CYBRD1: variants seen among roughly 807,000 people sequenced by gnomAD.
CYBRD1 encodes cytochrome b reductase 1, also known as plasma membrane ascorbate-dependent reductase CYBRD1.
CYBRD1 carries 14 observed loss-of-function variants against 21.9 expected under a neutral mutation model. That is an observed-to-expected ratio of 0.64 (90% CI 0.42 to 1.00). The LOEUF is 1.00. CYBRD1 is among the 50% of genes least tolerant of loss of function. The pLI, the probability that CYBRD1 is intolerant of heterozygous loss-of-function variation, is 0.00. For missense variants in CYBRD1, 328 were observed against 352.5 expected (o/e 0.93, Z 0.56); for synonymous variants, 146 against 136.5 (o/e 1.07, Z -0.48).
chr2:171,535,675 G>A (rs1697533340), intron 1 of CYBRD1, among the ~76,000 whole-genome samples: 1 of 104,602 alleles, frequency 9.6e-6, no homozygotes, highest in African/African-American at 3.5e-5. Flanking sequence ...GTCTTGCTCT[G>A]TTGTCCAGGC....
At chr2:171,553,833 G>C (rs1375759148) in intron 3 of CYBRD1, among the ~76,000 whole-genome samples, 1 of 152,146 alleles carries the variant, frequency 6.6e-6, no homozygotes, top group Non-Finnish European at 1.5e-5. Context: ...AGTGATAACT[G>C]TTACTGGTGG....
chr2:171,523,259 G>C, intron 1 of CYBRD1: 1 of 433,280 alleles, frequency 2.3e-6, no homozygotes, highest in South Asian at 1.7e-5. Flanking sequence ...AGGCAGCGGG[G>C]AAAAGATTGC....
rs185331110 is a variant in CYBRD1 at position 171,557,984 on chromosome 2, T to A, written c.*3157T>A. ...AATTCCTACAAGGTACTCGAAAACC[T>A]TAAGTGAAAAAGATTTCTATCTTTT... On this transcript the variant is annotated 3_prime_UTR_variant, in exon 4 of 4. Transcript: ENST00000321348. 1 of 152,308 alleles carries A rather than the reference T, an allele frequency of 6.6e-6. No homozygotes were observed. Among genetic ancestry groups the A allele is most frequent in the Admixed American group, 6.5e-5 (1 of 15,284 alleles). The allele number at this position is 152,308 out of a possible 1,614,324, so 9.4% of individuals were successfully genotyped here.
chr2:171,534,043 G>A (rs1340174267), intron 1 of CYBRD1, among the ~76,000 whole-genome samples: 2 of 152,074 alleles, frequency 1.3e-5, no homozygotes, highest in Admixed American at 6.6e-5. Context: ...TCAAGTTACT[G>A]TATTTTTCTC....
intron 1 of CYBRD1, chr2:171,540,691 C>T (rs1017506985): frequency 5.3e-5 from 8 of 150,566 alleles, no homozygotes; most frequent in African/African-American, 2.0e-4. Flanking sequence ...TATTCTCATT[C>T]GGCTTAAATT....
Position 171,554,576 on chromosome 2 carries a change from C to T in CYBRD1, c.610C>T (p.Leu204Phe), listed in dbSNP as rs1267169050. 1 of 1,614,028 alleles carries T rather than the reference C, an allele frequency of 6.2e-7. No individual in the cohort carries two copies. Among genetic ancestry groups the T allele is most frequent in the South Asian group, 1.1e-5 (1 of 91,078 alleles). Residue 204 changes from leucine to phenylalanine, a missense_variant, in exon 4 of 4, where the codon CTT becomes TTT. Coordinates refer to ENST00000321348, the MANE Select transcript of CYBRD1 (RefSeq NM_024843.4). ...GCCAGAAGGTGTTTTCGTAAATACG[C>T]TTGGCCTTCTGATCCTGGTGTTCGG... ...FPPEGVFVNT[L>F]GLLILVFGAL...
intron 1 of CYBRD1, among the ~76,000 whole-genome samples, chr2:171,527,756 C>T (rs1697406180): frequency 6.6e-6 from 1 of 152,158 alleles, no homozygotes; most frequent in African/African-American, 2.4e-5. Flanking sequence ...TAATTTCTAT[C>T]ATCTTCGAAA....
chr2:171,528,614 C>G (rs1697418504), intron 1 of CYBRD1, among the ~76,000 whole-genome samples: 1 of 152,192 alleles, frequency 6.6e-6, no homozygotes, highest in Non-Finnish European at 1.5e-5. Context: ...CTTATCCAGT[C>G]TCTTCTTCGC....
Position 171,522,558 on chromosome 2 carries a change from G to A in CYBRD1, c.13G>A (p.Gly5Ser), listed in dbSNP as rs770105209. 4 of 1,604,632 alleles carry A rather than the reference G, an allele frequency of 2.5e-6. No homozygotes were observed. The African/African-American group carries it at 4.0e-5, about 16-fold the overall frequency. Reference sequence around the variant, plus strand: ...GTATGGGGCGCTGATGGCCATGGAGGGCTACTGGCGCTTCCTGGCGCTGCT... The same window carrying A: ...GTATGGGGCGCTGATGGCCATGGAGAGCTACTGGCGCTTCCTGGCGCTGCT... MAME[G>S]YWRFLALLGS... Residue 5 changes from glycine (G) to serine (S), a missense_variant, in exon 1 of 4, where the codon GGC becomes AGC. Transcript: ENST00000321348. The surrounding 1 kb of genome is among the most constrained non-coding windows in gnomAD (Gnocchi z 4.3).
intron 2 of CYBRD1, among the ~76,000 whole-genome samples, chr2:171,548,896 G>T (rs182628544): frequency 5.9e-4 from 90 of 152,198 alleles, no homozygotes; most frequent in African/African-American, 2.0e-3. Flanking sequence ...GTTGAGGCCA[G>T]GAGTTGAAGA....
At chr2:171,540,301 A>G (rs981783266) in intron 1 of CYBRD1, among the ~76,000 whole-genome samples, 2 of 152,134 alleles carry the variant, frequency 1.3e-5, no homozygotes, top group Non-Finnish European at 2.9e-5. Context: ...CTTGAGATTG[A>G]CATTATAGGT....
intron 1 of CYBRD1, among the ~76,000 whole-genome samples, chr2:171,529,531 C>CAAAA (rs57600338): frequency 4.2e-4 from 29 of 69,270 alleles, no homozygotes; most frequent in African/African-American, 8.1e-4. Flanking sequence ...AACTCTGTCT[C>CAAAA]AAAAAAAAAA....
At chr2:171,543,231 C>T (rs1442381173) in intron 2 of CYBRD1, among the ~76,000 whole-genome samples, 1 of 152,194 alleles carries the variant, frequency 6.6e-6, no homozygotes. Context: ...AGGTGTCAGC[C>T]TTCCAGGGCT....
chr2:171,551,067 C>T (rs1015240965), intron 2 of CYBRD1: 1 of 204,500 alleles, frequency 4.9e-6, no homozygotes, highest in Non-Finnish European at 9.7e-6. Flanking sequence ...AGCAATCCTC[C>T]TGCCTCAGCA....
At chr2:171,538,258 C>T (rs1014254578) in intron 1 of CYBRD1, among the ~76,000 whole-genome samples, 2 of 152,048 alleles carry the variant, frequency 1.3e-5, no homozygotes, top group African/African-American at 4.8e-5. Flanking sequence ...GAATGAAACT[C>T]CATCTCAAAA....
In CYBRD1 at chr2:171,541,742, C is replaced by T. The variant is rs753484666; in HGVS notation, c.351C>T (p.Tyr117=). ...ATGTTAACAATATAGCCAATATGTA[C>T]AGTCTGCACAGCTGGGTTGGACTGA... ...NHNVNNIANM[Y]SLHSWVGLIA... Residue 117 remains tyrosine, a synonymous_variant, in exon 2 of 4, where the codon TAC becomes TAT. Transcript: ENST00000321348. 29 of 1,613,604 alleles carry T rather than the reference C, an allele frequency of 1.8e-5. No individual in the cohort carries two copies. Among genetic ancestry groups the T allele is most frequent in the Non-Finnish European group, 2.5e-5 (29 of 1,179,974 alleles).
chr2:171,552,640 A>G (rs904677691), intron 2 of CYBRD1, among the ~76,000 whole-genome samples: 1 of 152,240 alleles, frequency 6.6e-6, no homozygotes, highest in Non-Finnish European at 1.5e-5. Flanking sequence ...TTGATGGGCA[A>G]ACGTGTGGGG....
chr2:171,556,029 G>A lies in CYBRD1; in HGVS notation c.*1202G>A, dbSNP rs963274464. On this transcript the variant is annotated 3_prime_UTR_variant, in exon 4 of 4. Transcript: ENST00000321348. ...TGTGGCAGATTCCCCAGATAACCAA[G>A]GAAAAGGGGCCACCCATACCTGGAA... 1.3e-5 allele frequency: 2 copies of A among 152,208 alleles called. No homozygotes were observed. The highest frequency in any genetic ancestry group is 1.3e-4 in the Admixed American group (2 of 15,284). 9.4% of individuals were successfully genotyped at this position (152,208 alleles called of 1,614,324 possible).
intron 2 of CYBRD1, among the ~76,000 whole-genome samples, chr2:171,551,448 TTTG>T (rs1320584086): frequency 6.6e-6 from 1 of 152,178 alleles, no homozygotes; most frequent in Non-Finnish European, 1.5e-5. Flanking sequence ...ATCAAATGCA[TTTG>T]TTATTACTTT....
Sources: gnomAD v4.1 joint callset for allele counts (sites outside exome capture counted in the v4.1 genomes callset) on GRCh38, gnomAD v4.1.1 for gene constraint, Gnocchi (gnomAD v3.1) non-coding constraint, MANE v1.5 for transcripts, NCBI Gene and HGNC (gene_info 2026-07-23, HGNC 2026-07-21) for gene names.